NRXN2: variants seen among roughly 807,000 people sequenced by gnomAD.
NRXN2 encodes the protein neurexin-2-beta.
Under a neutral mutation model 128.8 loss-of-function variants are expected in NRXN2, and 29 were observed. That is an observed-to-expected ratio of 0.23 (90% CI 0.17 to 0.31). The LOEUF is 0.31. Among genes scored for constraint, NRXN2 ranks in the 10% least tolerant of loss-of-function variants. The pLI is 1.00. For synonymous variants in NRXN2, 1,098 were observed against 1,075.2 expected (o/e 1.02, Z -0.41); for missense variants, 1,881 against 2,452.6 (o/e 0.77, Z 4.92).
At chr11:64,698,972 A>T (rs2054910894) in intron 2 of NRXN2, among the ~76,000 whole-genome samples, 1 of 152,182 alleles carries the variant, frequency 6.6e-6, no homozygotes, top group African/African-American at 2.4e-5. Flanking sequence ...ACATACTTGC[A>T]TATGCAGGCC....
intron 7 of NRXN2, among the ~76,000 whole-genome samples, chr11:64,669,178 A>C (rs1220630270): frequency 6.6e-6 from 1 of 152,158 alleles, no homozygotes; most frequent in Non-Finnish European, 1.5e-5. Flanking sequence ...GAGGAGCAGG[A>C]ACTCAAATAT....
At chr11:64,640,961 T>C (rs974390922) in intron 17 of NRXN2, among the ~76,000 whole-genome samples, 1 of 150,398 alleles carries the variant, frequency 6.6e-6, no homozygotes, top group Non-Finnish European at 1.5e-5. Context: ...GGAGCAAAAA[T>C]GGAGTAAAGA....
Position 64,660,932 on chromosome 11 carries a change from T to G in NRXN2, c.2006A>C (p.Asp669Ala), listed in dbSNP as rs1279038450. The G allele has an allele frequency of 5.0e-6, 8 of 1,613,344 alleles. No individual in the cohort carries two copies. Among genetic ancestry groups the G allele is most frequent in the Admixed American group, 3.3e-5 (2 of 59,980 alleles). Residue 669 changes from aspartate (D) to alanine (A), a missense_variant, in exon 10 of 23, where the codon GAC (aspartate) becomes GCC (alanine). Around this residue, in one of 7 missense-constraint regions of NRXN2, gnomAD observed 997 missense variants for 1,240.8 expected, o/e 0.80. Coordinates refer to ENST00000265459, the MANE Select transcript of NRXN2 (RefSeq NM_015080.4). This position sits in a 1 kb window ranked among gnomAD's most constrained non-coding sequence, Gnocchi z 5.2. The stretch of plus-strand genomic sequence containing the variant: ...CTGAGCCTCAGCCAGGCCCCGGAGG[T>G]CTCGGCTACGCCCATCTATGAAGAG... ...RDLFIDGRSR[D>A]LRGLAEAQGA...
At position 64,667,724 on chromosome 11, in the gene NRXN2, G is replaced by C. The variant is rs536773964; in HGVS notation, c.1360-36C>G. 1.9e-6 allele frequency: 3 copies of C among 1,608,132 alleles called. No individual in the cohort carries two copies. The highest frequency in any genetic ancestry group is 1.7e-5 in the Admixed American group (1 of 59,952). ...GGGTGGGGTCAGGGATAAAGAATCC[G>C]AAAGCAGCTTAGGGCCTGGCCACTC... On this transcript the variant is annotated intron_variant, in intron 8 of 22. Coordinates refer to ENST00000265459, the MANE Select transcript of NRXN2 (RefSeq NM_015080.4). The surrounding 1 kb of genome is among the most constrained non-coding windows in gnomAD (Gnocchi z 5.6).
intron 17 of NRXN2, among the ~76,000 whole-genome samples, chr11:64,644,312 CA>C (rs1425331276): frequency 6.6e-6 from 1 of 152,020 alleles, no homozygotes; most frequent in Non-Finnish European, 1.5e-5. Context: ...ACCACCTCCC[CA>C]AAAAGCTGCT....
At position 64,624,820 on chromosome 11, in the gene NRXN2, C is replaced by T. The variant is rs138918964; in HGVS notation, c.3847+1643G>A. 2.0e-3 allele frequency among the ~76,000 whole-genome samples: 310 copies of T among 152,276 alleles called. 1 individual carries two copies. Among genetic ancestry groups the T allele is most frequent in the African/African-American group, 7.1e-3 (295 of 41,556 alleles). On this transcript the variant is annotated intron_variant, in intron 20 of 22. Transcript: ENST00000265459. The stretch of plus-strand genomic sequence containing the variant: ...ATGCTTTGGAACTGGAAAATGGATT[C>T]ATCCAATAAATATTTATTGAGCACC...
chr11:64,686,694 C>T (rs1247512381), intron 5 of NRXN2, among the ~76,000 whole-genome samples: 1 of 152,196 alleles, frequency 6.6e-6, no homozygotes, highest in East Asian at 1.9e-4. Flanking sequence ...CAGACAGGCC[C>T]AAGATGGAGG....
intron 2 of NRXN2, among the ~76,000 whole-genome samples, chr11:64,707,988 G>A (rs2056515242): frequency 6.6e-6 from 1 of 152,094 alleles, no homozygotes; most frequent in Non-Finnish European, 1.5e-5. Context: ...AGCTACTATG[G>A]AGGCTGAGGC....
chr11:64,680,443 A>G (rs757634696), intron 6 of NRXN2, among the ~76,000 whole-genome samples: 2 of 152,214 alleles, frequency 1.3e-5, no homozygotes, highest in Non-Finnish European at 2.9e-5. Flanking sequence ...GCACAGGACA[A>G]ACCCCAGCCT....
At chr11:64,685,567 G>T in intron 6 of NRXN2, 79 bp downstream of exon 6, 1 of 1,579,808 alleles carries the variant, frequency 6.3e-7, no homozygotes, top group Non-Finnish European at 8.7e-7. Flanking sequence ...TCCACCACAA[G>T]CTCCCGGCAG....
At chr11:64,621,925 G>A (rs756082952) in intron 21 of NRXN2, among the ~76,000 whole-genome samples, 5 of 152,092 alleles carry the variant, frequency 3.3e-5, no homozygotes, top group Admixed American at 6.5e-5. Context: ...CTGCCCTATC[G>A]CTAGGGCTTG....
At chr11:64,712,872 C>T in intron 2 of NRXN2, 98 bp downstream of exon 2, 2 of 1,112,586 alleles carry the variant, frequency 1.8e-6, no homozygotes, top group African/African-American at 1.6e-5. Flanking sequence ...TGCCCAGCCC[C>T]CGTGCCTCAG....
intron 22 of NRXN2, 139 bp downstream of exon 22, chr11:64,620,155 T>TA: frequency 1.4e-6 from 1 of 702,808 alleles, no homozygotes; most frequent in Middle Eastern, 3.7e-4. Context: ...GGGAGGATGT[T>TA]AGGCAAGGGG....
rs55860015 is a variant in NRXN2 at position 64,665,962 on chromosome 11, C to T, written c.1798+1288G>A. Among the ~76,000 whole-genome samples the T allele has an allele frequency of 6.3e-3, 956 of 152,248 alleles. 8 individuals are homozygous for T. Among genetic ancestry groups the T allele is most frequent in the African/African-American group, 0.022 (913 of 41,556 alleles). On this transcript the variant is annotated intron_variant, in intron 9 of 22. Transcript: ENST00000265459. ...CTAGAAGCAACAGAAGATTCAAGAA[C>T]AGGCATCTGTCTGACCCCAGAACCC...
At chr11:64,628,295 G>A (rs2043368908) in intron 19 of NRXN2, among the ~76,000 whole-genome samples, 2 of 152,108 alleles carry the variant, frequency 1.3e-5, no homozygotes, top group South Asian at 2.1e-4. Flanking sequence ...CTTGTCAGTG[G>A]GAGATCCAGG....
intron 22 of NRXN2, among the ~76,000 whole-genome samples, chr11:64,612,479 C>T (rs1377945131): frequency 6.6e-6 from 1 of 152,248 alleles, no homozygotes; most frequent in African/African-American, 2.4e-5. Flanking sequence ...CACTCCTCTG[C>T]ATCCTAAGAA....
chr11:64,693,605 G>C (rs922290320), intron 3 of NRXN2, among the ~76,000 whole-genome samples: 3 of 152,162 alleles, frequency 2.0e-5, no homozygotes, highest in Non-Finnish European at 4.4e-5. Context: ...ACACCTGTTG[G>C]GTTCTAATCC....
intron 6 of NRXN2, among the ~76,000 whole-genome samples, chr11:64,682,598 A>G (rs2052469465): frequency 6.6e-6 from 1 of 152,244 alleles, no homozygotes; most frequent in Non-Finnish European, 1.5e-5. Context: ...GAGAGCAGTT[A>G]TCCAAGCTGG....
At chr11:64,697,005 G>A (rs73492190) in intron 3 of NRXN2, among the ~76,000 whole-genome samples, 1 of 152,246 alleles carries the variant, frequency 6.6e-6, no homozygotes, top group African/African-American at 2.4e-5. Flanking sequence ...CATGGTCCAG[G>A]GACAGAGTCT....
Sources: allele counts gnomAD v4.1 joint callset (sites outside exome capture counted in the v4.1 genomes callset), GRCh38; gene constraint gnomAD v4.1.1; regional missense constraint gnomAD v4.1.1; non-coding constraint Gnocchi (gnomAD v3.1); transcripts MANE v1.5; gene names NCBI Gene and HGNC (gene_info 2026-07-23, HGNC 2026-07-21).